PPP1R1C: variants seen among roughly 807,000 people sequenced by gnomAD.
The protein encoded by PPP1R1C is protein phosphatase 1 regulatory subunit 1C.
A neutral mutation model predicts 17.4 loss-of-function variants in PPP1R1C; 15 were observed. The observed-to-expected ratio is 0.86, with a 90% CI of 0.58 to 1.33. The LOEUF (loss-of-function observed/expected upper bound fraction) is 1.33, where lower values mean the gene tolerates loss of function less well. PPP1R1C is among the 40% of genes most tolerant of loss of function. The pLI is 0.00. For missense variants in PPP1R1C, 143 were observed against 130.0 expected, an observed-to-expected ratio of 1.10 and a Z score of -0.48; for synonymous variants, 35 against 43.1, an observed-to-expected ratio of 0.81 and a Z score of 0.73.
exon 6 of PPP1R1C, chr2:182,129,764 AAAAGCCTATCCTCC>A (rs1381619238): frequency 6.6e-5 from 10 of 152,142 alleles, no homozygotes; most frequent in Non-Finnish European, 1.5e-5. Flanking sequence ...TTTAGAATAA[AAAAGCCTATCCTCC>A]TTAGGAGCCA....
intron 1 of PPP1R1C, among the ~76,000 whole-genome samples, chr2:181,969,074 G>A (rs1684957344): frequency 6.6e-6 from 1 of 151,958 alleles, no homozygotes; most frequent in African/African-American, 2.4e-5. Context: ...TTCCAACTTT[G>A]TTGTAGTTAT....
chr2:181,961,851 C>A lies in PPP1R1C; in HGVS notation n.111+7217C>A, dbSNP rs1373765830. 4.5e-6 allele frequency: 4 copies of A among 893,920 alleles called. No individual in the cohort carries two copies. In the East Asian group the frequency reaches 9.8e-5, roughly 22 times the overall value. The allele number at this position is 893,920 out of a possible 1,614,324, so 55.4% of individuals were successfully genotyped here. On this transcript the variant is annotated intron_variant and non_coding_transcript_variant, in intron 1 of 5. Coordinates refer to the PPP1R1C transcript ENST00000464264. This position sits in a 1 kb window ranked among gnomAD's most constrained non-coding sequence, Gnocchi z 5.8. ...CTTCGTGGTTCTTCTTCATGAAGAG[C>A]AGCTCCTCCTTGAGAGCCTCCATCT...
intron 2 of PPP1R1C, among the ~76,000 whole-genome samples, chr2:182,006,576 A>G (rs532162120): frequency 1.3e-5 from 2 of 152,338 alleles, no homozygotes; most frequent in African/African-American, 4.8e-5. Flanking sequence ...AATCACATGG[A>G]TCAATTGAAA....
At chr2:181,985,178 G>A (rs746285558), upstream of PPP1R1C, among the ~76,000 whole-genome samples, 1 of 152,204 alleles carries the variant, frequency 6.6e-6, no homozygotes, top group Non-Finnish European at 1.5e-5. This position sits in a 1 kb window ranked among gnomAD's most constrained non-coding sequence, Gnocchi z 4.1. Flanking sequence ...AAGCAGCAGT[G>A]ACTTCCAAGC....
intron 4 of PPP1R1C, among the ~76,000 whole-genome samples, chr2:182,085,761 A>C (rs559511217): frequency 6.6e-6 from 1 of 152,310 alleles, no homozygotes; most frequent in African/African-American, 2.4e-5. Context: ...CAATGAAGAA[A>C]TGACACTGCA....
chr2:182,005,263 C>G (rs1685884208), intron 2 of PPP1R1C, among the ~76,000 whole-genome samples: 2 of 152,162 alleles, frequency 1.3e-5, no homozygotes, highest in African/African-American at 4.8e-5. Flanking sequence ...ATTAGCTAAG[C>G]AATTTAGATT....
intron 2 of PPP1R1C, among the ~76,000 whole-genome samples, chr2:181,978,090 G>A (rs1685125681): frequency 6.6e-6 from 1 of 152,166 alleles, no homozygotes; most frequent in Non-Finnish European, 1.5e-5. Context: ...GTCTTATATG[G>A]CGGCAGGCAA....
intron 2 of PPP1R1C, among the ~76,000 whole-genome samples, chr2:181,990,297 C>G (rs1685439266): frequency 6.6e-6 from 1 of 151,370 alleles, no homozygotes; most frequent in South Asian, 2.1e-4. Context: ...TGCCACCACG[C>G]CCGGCTAATT....
chr2:182,062,309 T>C (rs750360542), intron 3 of PPP1R1C, among the ~76,000 whole-genome samples: 33 of 152,092 alleles, frequency 2.2e-4, no homozygotes, highest in Admixed American at 3.9e-4. Flanking sequence ...TAAATATAAA[T>C]TAGTTTTTAT....
Position 181,961,699 on chromosome 2 carries a change from C to A in PPP1R1C, n.111+7065C>A. The A allele has an allele frequency of 1.3e-6, 1 of 789,996 alleles. No homozygotes were observed. Among genetic ancestry groups the A allele is most frequent in the South Asian group, 1.4e-5 (1 of 73,374 alleles). The allele number at this position is 789,996 out of a possible 1,614,324, so 48.9% of individuals were successfully genotyped here. The stretch of plus-strand genomic sequence containing the variant: ...CTTGTCCAGCTCCTCTCAGTTCTTT[C>A]GAGTCAGCTCATCATATTGGGCCCG... On this transcript the variant is annotated intron_variant and non_coding_transcript_variant, in intron 1 of 5. Transcript: ENST00000464264. The surrounding 1 kb of genome is among the most constrained non-coding windows in gnomAD (Gnocchi z 5.8).
At chr2:181,959,327 T>C (rs1458378733) in intron 1 of PPP1R1C, among the ~76,000 whole-genome samples, 1 of 152,234 alleles carries the variant, frequency 6.6e-6, no homozygotes. Context: ...CTAAATATTA[T>C]TATTTATTTA....
At chr2:182,077,441 T>C (rs1688346443) in intron 4 of PPP1R1C, among the ~76,000 whole-genome samples, 1 of 152,186 alleles carries the variant, frequency 6.6e-6, no homozygotes, top group South Asian at 2.1e-4. Flanking sequence ...AATTAATTGT[T>C]GAATCACCAC....
At chr2:181,998,963 A>G (rs1685688297) in intron 2 of PPP1R1C, among the ~76,000 whole-genome samples, 2 of 152,170 alleles carry the variant, frequency 1.3e-5, no homozygotes, top group Admixed American at 6.5e-5. Context: ...CTCAATTTCT[A>G]CCACAGGTCA....
At chr2:182,070,421 T>A (rs1185505836) in intron 4 of PPP1R1C, among the ~76,000 whole-genome samples, 1 of 152,254 alleles carries the variant, frequency 6.6e-6, no homozygotes, top group Non-Finnish European at 1.5e-5. Context: ...TTGAAGCCCT[T>A]GTTCATTTGA....
chr2:182,124,314 G>GTTTTTTTTTTTGTTTTTTTT (rs1689812959), intron 5 of PPP1R1C, among the ~76,000 whole-genome samples: 5 of 42,080 alleles, frequency 1.2e-4, no homozygotes, highest in African/African-American at 2.7e-4. Context: ...GTTTTTTTTT[G>GTTTTTTTTTTTGTTTTTTTT]TTTTTTTTTT....
intron 2 of PPP1R1C, among the ~76,000 whole-genome samples, chr2:182,014,954 C>T (rs1311107257): frequency 1.3e-5 from 2 of 152,028 alleles, no homozygotes; most frequent in African/African-American, 4.8e-5. Flanking sequence ...GTGTGGGCTC[C>T]CATCTTGCTC....
chr2:182,090,411 G>C lies in PPP1R1C; in HGVS notation c.241+26620G>C, dbSNP rs368489899. ...ATATGCTTTCTTAAAATAAGGCTGTGGGGAGGTAATTGGTAAAGAATGTTT... is the reference window on the plus strand; with the variant it reads ...ATATGCTTTCTTAAAATAAGGCTGTCGGGAGGTAATTGGTAAAGAATGTTT... On this transcript the variant is annotated intron_variant, in intron 4 of 4. Coordinates refer to ENST00000682840, the MANE Select transcript of PPP1R1C (RefSeq NM_001080545.3). Among the ~76,000 whole-genome samples the C allele has an allele frequency of 7.8e-4, 119 of 151,994 alleles. No homozygotes were observed. The Middle Eastern group carries it at 0.017, about 22-fold the overall frequency.
intron 2 of PPP1R1C, among the ~76,000 whole-genome samples, chr2:181,980,127 G>A (rs1311841471): frequency 6.6e-6 from 1 of 152,078 alleles, no homozygotes; most frequent in African/African-American, 2.4e-5. Flanking sequence ...TTGTATCACT[G>A]TGTCTGTCAT....
chr2:182,122,708 C>T (rs184312420), downstream of PPP1R1C, among the ~76,000 whole-genome samples: 1 of 151,746 alleles, frequency 6.6e-6, no homozygotes, highest in Admixed American at 6.6e-5. Flanking sequence ...TAAGCCAAAA[C>T]AGACATAAAG....
Sources: allele counts gnomAD v4.1 joint callset (sites outside exome capture counted in the v4.1 genomes callset), GRCh38; gene constraint gnomAD v4.1.1; non-coding constraint Gnocchi (gnomAD v3.1); transcripts MANE v1.5; gene names NCBI Gene and HGNC (gene_info 2026-07-23, HGNC 2026-07-21).